Variants in DLG4 observed in about 807,000 individuals in gnomAD.
The protein encoded by DLG4 is discs large MAGUK scaffold protein 4.
DLG4 carries 7 observed loss-of-function variants against 93.8 expected under a neutral mutation model. The ratio of observed to expected loss-of-function variants is 0.07; its 90% CI spans 0.04 to 0.14. DLG4 has a LOEUF of 0.14. DLG4 is among the 10% of genes least tolerant of loss of function. The probability of loss-of-function intolerance (pLI) is 1.00; values close to 1 mark genes in which losing one functional copy is unlikely to be tolerated. For missense variants in DLG4, 545 were observed against 992.9 expected, an observed-to-expected ratio of 0.55 and a Z score of 6.06; for synonymous variants, 341 against 387.6, an observed-to-expected ratio of 0.88 and a Z score of 1.41.
At chr17:7,210,590 C>T (rs1456861503) in intron 1 of DLG4, among the ~76,000 whole-genome samples, 1 of 152,202 alleles carries the variant, frequency 6.6e-6, no homozygotes, top group Non-Finnish European at 1.5e-5. Flanking sequence ...GGTCTTCTAC[C>T]TGGGCAGTGC....
intron 1 of DLG4, among the ~76,000 whole-genome samples, chr17:7,215,582 A>T (rs1340923983): frequency 6.6e-6 from 1 of 152,130 alleles, no homozygotes; most frequent in East Asian, 1.9e-4. Context: ...AAATCCACCG[A>T]AACTACAGGG....
Position 7,203,871 on chromosome 17 carries a change from G to A in DLG4, c.211-55C>T. The A allele has an allele frequency of 6.2e-7, 1 of 1,605,260 alleles. No individual in the cohort carries two copies. Among genetic ancestry groups the A allele is most frequent in the Non-Finnish European group, 8.5e-7 (1 of 1,175,810 alleles). ...CCCCTCACTGCCCAAGTCTGGCAAG[G>A]CAAGTGGGGTGGGAAATGGCTTGGA... On this transcript the variant is annotated intron_variant, in intron 4 of 19. Coordinates refer to ENST00000399506, the MANE Select transcript of DLG4 (RefSeq NM_001321075.3). This position sits in a 1 kb window ranked among gnomAD's most constrained non-coding sequence, Gnocchi z 7.2.
At position 7,204,445 on chromosome 17, in the gene DLG4, A is replaced by G. The variant is rs551742467; in HGVS notation, c.97-193T>C. 3.8e-5 allele frequency: 22 copies of G among 576,044 alleles called. No homozygotes were observed. The South Asian group carries it at 5.2e-4, about 14-fold the overall frequency. The allele number at this position is 576,044 out of a possible 1,614,324, so 35.7% of individuals were successfully genotyped here. On this transcript the variant is annotated intron_variant, in intron 2 of 19. Coordinates refer to ENST00000399506, the MANE Select transcript of DLG4 (RefSeq NM_001321075.3). ...CACACGCGTGCACATGCGCACGCGC[A>G]CACACACGCACAGATGCACACGCGC...
chr17:7,218,737 GC>G (rs1349421867), upstream of DLG4: 27 of 1,572,288 alleles, frequency 1.7e-5, no homozygotes, highest in African/African-American at 3.6e-4. Flanking sequence ...CTTCACCCCA[GC>G]CCCTACGGAA....
intron 1 of DLG4, among the ~76,000 whole-genome samples, chr17:7,215,385 AG>A (rs2070866941): frequency 6.6e-6 from 1 of 152,206 alleles, no homozygotes. Context: ...CCTGCTGGCA[AG>A]CCCCTCACCC....
chr17:7,196,735 G>T lies in DLG4; in HGVS notation c.1083+22C>A, dbSNP rs1283852700. ...GCCCTGTGGGGAGGGGGTGGTGCAGGTAGGGGCAGGCCTTCCCTCACCGAC... is the reference window on the plus strand; with the variant it reads ...GCCCTGTGGGGAGGGGGTGGTGCAGTTAGGGGCAGGCCTTCCCTCACCGAC... On this transcript the variant is annotated intron_variant, in intron 9 of 19. Transcript: ENST00000399506. The surrounding 1 kb of genome is among the most constrained non-coding windows in gnomAD (Gnocchi z 8.3). The T allele has an allele frequency of 6.3e-7, 1 of 1,591,528 alleles. No individual in the cohort carries two copies. The highest frequency in any genetic ancestry group is 1.8e-5 in the Admixed American group (1 of 56,892).
rs1354567556 is a variant in DLG4 at position 7,194,621 on chromosome 17, A to T, written c.1302-126T>A. 13 of 998,578 alleles carry T rather than the reference A, an allele frequency of 1.3e-5. No homozygotes were observed. The East Asian group carries it at 3.1e-4, about 24-fold the overall frequency. The allele number at this position is 998,578 out of a possible 1,614,324, so 61.9% of individuals were successfully genotyped here. A position where few individuals can be genotyped will look rare whatever the true frequency, so the allele number is the denominator to read the frequency against. ...CCATGGGAGCTATGGATGCCGAGGA[A>T]CCCAAAACTGTGTGGGGACCAAACG... On this transcript the variant is annotated intron_variant, in intron 11 of 19. Coordinates refer to ENST00000399506, the MANE Select transcript of DLG4 (RefSeq NM_001321075.3). This position sits in a 1 kb window ranked among gnomAD's most constrained non-coding sequence, Gnocchi z 4.4.
At chr17:7,214,460 T>G (rs2070825533) in intron 1 of DLG4, among the ~76,000 whole-genome samples, 1 of 151,160 alleles carries the variant, frequency 6.6e-6, no homozygotes, top group African/African-American at 2.4e-5. Flanking sequence ...TCGCTCCCCC[T>G]GCCTCGCCCA....
At chr17:7,199,860 G>A in intron 8 of DLG4, among the ~76,000 whole-genome samples, 1 of 151,802 alleles carries the variant, frequency 6.6e-6, no homozygotes, top group East Asian at 1.9e-4. Flanking sequence ...GGCACCTGTA[G>A]TCCCAGCTAC....
chr17:7,205,240 C>T lies in DLG4; in HGVS notation c.97-988G>A, dbSNP rs528281094. 27 of 911,500 alleles carry T rather than the reference C, an allele frequency of 3.0e-5. No homozygotes were observed. In the South Asian group the frequency reaches 7.1e-4, roughly 24 times the overall value. The allele number at this position is 911,500 out of a possible 1,614,324, so 56.5% of individuals were successfully genotyped here. ...ATCCCGCTCATCTACTCCCTCCCCC[C>T]ACTTCATTCGGGAAAGGGTTAAAGT... On this transcript the variant is annotated intron_variant, in intron 2 of 19. Transcript: ENST00000399506.
At chr17:7,218,458 A>G, upstream of DLG4, 1 of 1,451,178 alleles carries the variant, frequency 6.9e-7, no homozygotes, top group Non-Finnish European at 9.5e-7. Context: ...CTTGGACCAA[A>G]TGATCTCTGG....
In DLG4 at chr17:7,192,934, C is replaced by CCAG; in HGVS notation, c.1866+8_1866+10dup. ...GAGAAGGAAGAGGACCGGGTGCCCG[C>CCAG]CAGGTCCTACCTGCTCTGCCACCTC... is the stretch of plus-strand genomic sequence containing the variant. On this transcript the variant is annotated intron_variant, in intron 17 of 19. Transcript: ENST00000399506. 1 of 1,604,968 alleles carries CCAG rather than the reference C, an allele frequency of 6.2e-7. No homozygotes were observed. Among genetic ancestry groups the CCAG allele is most frequent in the Non-Finnish European group, 8.5e-7 (1 of 1,175,302 alleles).
chr17:7,203,401 G>T lies in DLG4; in HGVS notation c.505+23C>A. ...GGGGCACAGGACAGTTGGGATGGGGGTGGGAACAAAATGAGTTACTACCTT... is the reference window on the plus strand; with the variant it reads ...GGGGCACAGGACAGTTGGGATGGGGTTGGGAACAAAATGAGTTACTACCTT... On this transcript the variant is annotated intron_variant, in intron 6 of 19. Coordinates refer to ENST00000399506, the MANE Select transcript of DLG4 (RefSeq NM_001321075.3). The surrounding 1 kb of genome is among the most constrained non-coding windows in gnomAD (Gnocchi z 7.2). 1 of 1,596,378 alleles carries T rather than the reference G, an allele frequency of 6.3e-7. No individual in the cohort carries two copies. Among genetic ancestry groups the T allele is most frequent in the Non-Finnish European group, 8.6e-7 (1 of 1,165,616 alleles).
chr17:7,194,068 C>T lies in DLG4; in HGVS notation c.1479-68G>A, dbSNP rs372671064. 22 of 1,575,424 alleles carry T rather than the reference C, an allele frequency of 1.4e-5. No individual in the cohort carries two copies. The Admixed American group carries it at 2.2e-4, about 16-fold the overall frequency. Reference sequence around the variant, plus strand: ...CCCCCTGCCACCCCCATGCTCTGAGCCAGCTGACAACCCCTTCTCCATACT... The same window carrying T: ...CCCCCTGCCACCCCCATGCTCTGAGTCAGCTGACAACCCCTTCTCCATACT... On this transcript the variant is annotated intron_variant, in intron 12 of 19. Transcript: ENST00000399506. This position sits in a 1 kb window ranked among gnomAD's most constrained non-coding sequence, Gnocchi z 4.4.
At chr17:7,198,751 G>A (rs444228) in intron 8 of DLG4, among the ~76,000 whole-genome samples, 3,310 of 151,514 alleles carry the variant, frequency 0.022, 136 homozygotes, top group African/African-American at 0.076. Context: ...GGGAGGCTGA[G>A]GCAGGAGAAT....
rs974722316 is a variant in DLG4, at chr17:7,188,210, T to C, written c.*2498A>G. Among the ~76,000 whole-genome samples, 2 of 151,858 alleles carry C rather than the reference T, an allele frequency of 1.3e-5. No individual in the cohort carries two copies. The highest frequency in any genetic ancestry group is 2.4e-5 in the African/African-American group (1 of 41,292). ...GATGGACTCGGTCCTGCATAGAAAA[T>C]CCTGCAGGGCAATACGTGGCTACTG... On this transcript the variant is annotated 3_prime_UTR_variant, in exon 20 of 20. Coordinates refer to ENST00000399506, the MANE Select transcript of DLG4 (RefSeq NM_001321075.3).
upstream of DLG4, chr17:7,219,277 C>T (rs2071075162): frequency 3.7e-6 from 2 of 547,916 alleles, no homozygotes; most frequent in Admixed American, 5.3e-5. Context: ...CTCTCAGGCC[C>T]GGGAGGAATC....
chr17:7,211,590 C>T (rs988835561), intron 1 of DLG4: 2 of 620,704 alleles, frequency 3.2e-6, no homozygotes, highest in African/African-American at 2.0e-5. Flanking sequence ...GCGCTTGAAG[C>T]TTGCACCCTG....
rs1412383758 is a variant in DLG4, at chr17:7,203,122, A to G, written c.642+71T>C. 6.4e-7 allele frequency: 1 copy of G among 1,571,456 alleles called. No homozygotes were observed. The highest frequency in any genetic ancestry group is 8.7e-7 in the Non-Finnish European group (1 of 1,151,034). ...CAGAAGCACTGGGGTGAAGTGATGA[A>G]CTTGGGCCTGCCAGGGCTAGTAGGT... On this transcript the variant is annotated intron_variant, in intron 7 of 19. Transcript: ENST00000399506. This position sits in a 1 kb window ranked among gnomAD's most constrained non-coding sequence, Gnocchi z 7.2.
Sources: allele counts gnomAD v4.1 joint callset (sites outside exome capture counted in the v4.1 genomes callset), GRCh38; gene constraint gnomAD v4.1.1; non-coding constraint Gnocchi (gnomAD v3.1); transcripts MANE v1.5; gene names NCBI Gene and HGNC (gene_info 2026-07-23, HGNC 2026-07-21).